Variants in LRRK1 observed in about 807,000 individuals in gnomAD.
The protein encoded by LRRK1 is leucine rich repeat kinase 1.
In LRRK1, 113 loss-of-function variants were observed where a neutral mutation model predicts 209.1. The ratio of observed to expected loss-of-function variants is 0.54; its 90% CI spans 0.46 to 0.63. The LOEUF (loss-of-function observed/expected upper bound fraction) is 0.63. LRRK1 is among the 30% of genes least tolerant of loss of function. The probability of loss-of-function intolerance (pLI) is 0.00; values close to 1 mark genes in which losing one functional copy is unlikely to be tolerated. For synonymous variants in LRRK1, 1,144 were observed against 1,099.7 expected (o/e 1.04, Z -0.80); for missense variants, 2,284 against 2,632.2 (o/e 0.87, Z 2.89).
intron 31 of LRRK1, among the ~76,000 whole-genome samples, chr15:101,062,925 C>G (rs917898923): frequency 1.3e-5 from 2 of 152,166 alleles, no homozygotes; most frequent in Non-Finnish European, 2.9e-5. Context: ...GAATGAAAAA[C>G]CCCCTTTCAC....
Position 100,995,576 on chromosome 15 carries a change from C to G in LRRK1, c.762+6178C>G, listed in dbSNP as rs1260457872. On this transcript the variant is annotated intron_variant, in intron 6 of 33. Transcript: ENST00000388948. ...TGCCTGAACATCTAATGAGACGGCC[C>G]GCGTTCGTGGTGAACATCGGGTCAA... is the stretch of plus-strand genomic sequence containing the variant. 3.9e-5 allele frequency among the ~76,000 whole-genome samples: 6 copies of G among 152,198 alleles called. No homozygotes were observed. In the East Asian group the frequency reaches 1.2e-3, roughly 29 times the overall value.
chr15:100,989,642 A>G (rs2032052371), intron 6 of LRRK1: 1 of 582,496 alleles, frequency 1.7e-6, no homozygotes, highest in African/African-American at 1.9e-5. Context: ...CCCACCCTCA[A>G]AATAACAAAC....
At chr15:100,939,048 A>G (rs28520648) in intron 2 of LRRK1, among the ~76,000 whole-genome samples, 8,474 of 152,284 alleles carry the variant, frequency 0.056, 247 homozygotes, top group African/African-American at 0.071. Flanking sequence ...AGCCCAGATC[A>G]TGCCATTGCA....
rs753053998 is a variant in LRRK1, at chr15:101,026,032, G to A, written c.2300G>A (p.Arg767His). Residue 767 changes from arginine (R) to histidine (H), a missense_variant, in exon 17 of 34, where the codon CGT becomes CAT. Physicochemically the swap from Arg to His is conservative, Grantham distance 29. Around this residue, in one of 6 missense-constraint regions of LRRK1, gnomAD observed 780 missense variants for 985.2 expected, o/e 0.79. Coordinates refer to ENST00000388948, the MANE Select transcript of LRRK1 (RefSeq NM_024652.6). ...THLDLIEAKF[R>H]VERIATLRAY... is the part of the protein sequence containing the mutation. The stretch of plus-strand genomic sequence containing the variant: ...CTGGATTTAATTGAAGCCAAGTTCC[G>A]TGTGGAAAGGATTGCAACGCTGCGT... The A allele has an allele frequency of 3.2e-5, 51 of 1,614,140 alleles. No individual in the cohort carries two copies. The highest frequency in any genetic ancestry group is 3.6e-5 in the Non-Finnish European group (43 of 1,180,052).
intron 3 of LRRK1, among the ~76,000 whole-genome samples, chr15:100,980,509 G>A (rs898662206): frequency 1.3e-5 from 2 of 152,100 alleles, no homozygotes; most frequent in Non-Finnish European, 2.9e-5. Flanking sequence ...TCTTGATTGT[G>A]GTAGTGGCTA....
At chr15:100,981,091 A>G (rs974577054) in intron 3 of LRRK1, among the ~76,000 whole-genome samples, 1 of 152,230 alleles carries the variant, frequency 6.6e-6, no homozygotes, top group Non-Finnish European at 1.5e-5. Flanking sequence ...GTAAAGGCAT[A>G]GAGAGAGGCC....
In LRRK1 at chr15:101,045,861, A is replaced by G. The variant is rs921599516; in HGVS notation, c.2964-120A>G. ...ATTCCAAAGGCCCTGGGAGGAAGGA[A>G]CCCAGCAGCCTGAGGTGTTCCAGCA... On this transcript the variant is annotated intron_variant, in intron 20 of 33. Coordinates refer to ENST00000388948, the MANE Select transcript of LRRK1 (RefSeq NM_024652.6). The G allele has an allele frequency of 1.8e-5, 14 of 785,516 alleles. No homozygotes were observed. In the East Asian group the frequency reaches 3.4e-4, roughly 19 times the overall value. The allele number at this position is 785,516 out of a possible 1,614,324, so 48.7% of individuals were successfully genotyped here. A position where few individuals can be genotyped will look rare whatever the true frequency, so the allele number is the denominator to read the frequency against.
chr15:101,057,071 C>T, intron 28 of LRRK1, 21 bp downstream of exon 28: 1 of 1,564,712 alleles, frequency 6.4e-7, no homozygotes, highest in Non-Finnish European at 8.7e-7. Context: ...ACACAGAGCC[C>T]AGGGCCTGGG....
chr15:101,066,257 T>C, intron 32 of LRRK1, 52 bp downstream of exon 32: 1 of 1,549,052 alleles, frequency 6.5e-7, no homozygotes, highest in Non-Finnish European at 8.7e-7. Flanking sequence ...CTGCTCCTGC[T>C]CTGGGGACAG....
chr15:100,981,501 G>A (rs191243116), intron 3 of LRRK1, among the ~76,000 whole-genome samples: 1 of 152,180 alleles, frequency 6.6e-6, no homozygotes, highest in East Asian at 1.9e-4. Context: ...CTCCTCACGT[G>A]TCAGACATAC....
chr15:101,018,362 G>A (rs942831245), intron 12 of LRRK1, among the ~76,000 whole-genome samples: 3 of 152,182 alleles, frequency 2.0e-5, no homozygotes, highest in African/African-American at 7.2e-5. Context: ...CCTTAGGACT[G>A]TAGAAATTGA....
intron 12 of LRRK1, among the ~76,000 whole-genome samples, chr15:101,020,772 T>G (rs2033745179): frequency 6.6e-6 from 1 of 152,234 alleles, no homozygotes; most frequent in Non-Finnish European, 1.5e-5. Context: ...AATTATTCTA[T>G]TACTCATTGA....
chr15:101,041,455 C>A (rs1394223239), intron 20 of LRRK1, among the ~76,000 whole-genome samples: 1 of 152,024 alleles, frequency 6.6e-6, no homozygotes, highest in Non-Finnish European at 1.5e-5. Flanking sequence ...TTCTTTCCTG[C>A]CTTCTTTTGA....
At chr15:100,964,818 AC>A (rs2030349830) in intron 2 of LRRK1, among the ~76,000 whole-genome samples, 1 of 152,176 alleles carries the variant, frequency 6.6e-6, no homozygotes, top group Non-Finnish European at 1.5e-5. Context: ...GCGCGCACAC[AC>A]ACATGAGGCC....
chr15:101,037,030 G>C (rs2034519011), intron 20 of LRRK1, among the ~76,000 whole-genome samples: 2 of 152,162 alleles, frequency 1.3e-5, no homozygotes, highest in African/African-American at 4.8e-5. Flanking sequence ...ACCCCAGGGT[G>C]GTATACACTG....
chr15:100,927,990 A>G (rs1198286885), intron 2 of LRRK1, among the ~76,000 whole-genome samples: 1 of 152,254 alleles, frequency 6.6e-6, no homozygotes, highest in Non-Finnish European at 1.5e-5. Flanking sequence ...GCCAAGGAGC[A>G]GGTAATGCTC....
intron 2 of LRRK1, among the ~76,000 whole-genome samples, chr15:100,957,699 G>T (rs1369975472): frequency 6.6e-6 from 1 of 152,172 alleles, no homozygotes; most frequent in African/African-American, 2.4e-5. Context: ...AGCAAAAGTG[G>T]ATCTCTTATA....
chr15:101,048,204 T>C (rs1025234138), intron 21 of LRRK1, among the ~76,000 whole-genome samples: 1 of 152,234 alleles, frequency 6.6e-6, no homozygotes, highest in Non-Finnish European at 1.5e-5. Flanking sequence ...CTGTATTTTC[T>C]ACATTTTCTA....
Position 100,919,713 on chromosome 15 carries a change from G to T in LRRK1, c.-123+262G>T, listed in dbSNP as rs1399616258. Among the ~76,000 whole-genome samples, 3 of 152,100 alleles carry T rather than the reference G, an allele frequency of 2.0e-5. No homozygotes were observed. Among genetic ancestry groups the T allele is most frequent in the African/African-American group, 7.2e-5 (3 of 41,446 alleles). On this transcript the variant is annotated intron_variant, in intron 1 of 33. Transcript: ENST00000388948. The surrounding 1 kb of genome is among the most constrained non-coding windows in gnomAD (Gnocchi z 5.8). ...GCCGCGCCCGGAGCCCAGCCAGCCTGTGGGAGGGGAGCGCGCGGGGCCCGA... is the reference window on the plus strand; with the variant it reads ...GCCGCGCCCGGAGCCCAGCCAGCCTTTGGGAGGGGAGCGCGCGGGGCCCGA...
Sources: allele counts gnomAD v4.1 joint callset (sites outside exome capture counted in the v4.1 genomes callset), GRCh38; gene constraint gnomAD v4.1.1; regional missense constraint gnomAD v4.1.1; non-coding constraint Gnocchi (gnomAD v3.1); transcripts MANE v1.5; gene names NCBI Gene and HGNC (gene_info 2026-07-23, HGNC 2026-07-21).